The following PPP1R12B variants were observed in gnomAD, a reference collection of about 807,000 sequenced individuals.
PPP1R12B encodes protein phosphatase 1 regulatory subunit 12B.
In PPP1R12B, 76 loss-of-function variants were observed where a neutral mutation model predicts 126.1. That is an observed-to-expected ratio of 0.60 (90% CI 0.50 to 0.73). PPP1R12B has a LOEUF of 0.73. PPP1R12B is among the 30% of genes least tolerant of loss of function. The pLI is 0.00. For synonymous variants in PPP1R12B, 356 were observed against 434.7 expected, an observed-to-expected ratio of 0.82 and a Z score of 2.25; for missense variants, 1,052 against 1,205.1, an observed-to-expected ratio of 0.87 and a Z score of 1.88.
rs770604867 is a variant in PPP1R12B at position 202,508,378 on chromosome 1, A to G, written c.2490+11556A>G. 6.6e-6 allele frequency among the ~76,000 whole-genome samples: 1 copy of G among 152,238 alleles called. No homozygotes were observed. The highest frequency in any genetic ancestry group is 1.5e-5 in the Non-Finnish European group (1 of 68,040). ...ATGTTTTATTACAACCTGAACTCTT[A>G]CACCTTAAACTATGTCAGTATTATT... On this transcript the variant is annotated intron_variant, in intron 18 of 23. Coordinates refer to ENST00000608999, the MANE Select transcript of PPP1R12B (RefSeq NM_002481.4). The surrounding 1 kb of genome is among the most constrained non-coding windows in gnomAD (Gnocchi z 4.5).
At chr1:202,470,159 G>A (rs10458402) in intron 13 of PPP1R12B, among the ~76,000 whole-genome samples, 66,008 of 151,942 alleles carry the variant, frequency 0.43, 15,694 homozygotes, top group East Asian at 0.71. Context: ...ATGCTAACAC[G>A]GTTCTTTTCC....
intron 13 of PPP1R12B, among the ~76,000 whole-genome samples, chr1:202,471,181 A>G (rs1297084648): frequency 1.3e-5 from 2 of 152,164 alleles, no homozygotes; most frequent in Non-Finnish European, 2.9e-5. Context: ...ATGTTTTAAT[A>G]CTTTATATAA....
At chr1:202,471,403 T>C (rs1221341682) in intron 13 of PPP1R12B, among the ~76,000 whole-genome samples, 1 of 152,034 alleles carries the variant, frequency 6.6e-6, no homozygotes, top group Admixed American at 6.6e-5. Flanking sequence ...CTTGTTCATG[T>C]TTCTTACACA....
intron 18 of PPP1R12B, among the ~76,000 whole-genome samples, chr1:202,509,905 G>A (rs1681239143): frequency 2.6e-5 from 4 of 152,148 alleles, no homozygotes; most frequent in Admixed American, 2.0e-4. Flanking sequence ...AAGGAAAAAA[G>A]TGATGAAAAC....
At chr1:202,542,751 T>A (rs931224030) in intron 18 of PPP1R12B, among the ~76,000 whole-genome samples, 3 of 152,220 alleles carry the variant, frequency 2.0e-5, no homozygotes, top group African/African-American at 7.2e-5. Context: ...CTTCAGGGTC[T>A]TTGTATTTCT....
chr1:202,440,229 C>T (rs1043531675), intron 10 of PPP1R12B, among the ~76,000 whole-genome samples: 1 of 152,116 alleles, frequency 6.6e-6, no homozygotes, highest in Non-Finnish European at 1.5e-5. Context: ...CTTTATATCT[C>T]TGGAGACTAC....
At chr1:202,365,497 C>CT (rs1228310784) in intron 1 of PPP1R12B, among the ~76,000 whole-genome samples, 2 of 152,010 alleles carry the variant, frequency 1.3e-5, no homozygotes, top group African/African-American at 2.4e-5. Flanking sequence ...ATGCATTTTG[C>CT]TTTTTAAAAA....
intron 13 of PPP1R12B, among the ~76,000 whole-genome samples, chr1:202,486,921 A>T (rs1678212533): frequency 6.6e-6 from 1 of 152,242 alleles, no homozygotes. Flanking sequence ...TCTTACAGAA[A>T]TAGACATGTA....
chr1:202,546,916 T>C (rs1685704879), intron 18 of PPP1R12B, among the ~76,000 whole-genome samples: 1 of 152,226 alleles, frequency 6.6e-6, no homozygotes, highest in African/African-American at 2.4e-5. Flanking sequence ...CTTTTTCTAA[T>C]GGCGCTTTCC....
At chr1:202,510,752 A>C (rs1681374488) in intron 18 of PPP1R12B, among the ~76,000 whole-genome samples, 1 of 151,860 alleles carries the variant, frequency 6.6e-6, no homozygotes, top group South Asian at 2.1e-4. Flanking sequence ...GAGATGCAAA[A>C]ATGTACAAGG....
chr1:202,466,760 T>C (rs1239334784), intron 13 of PPP1R12B, among the ~76,000 whole-genome samples: 4 of 152,228 alleles, frequency 2.6e-5, no homozygotes, highest in Non-Finnish European at 5.9e-5. Context: ...CATGTATTTC[T>C]GTAAGAATTC....
At chr1:202,468,851 G>A (rs987060918) in intron 13 of PPP1R12B, among the ~76,000 whole-genome samples, 1 of 152,028 alleles carries the variant, frequency 6.6e-6, no homozygotes, top group African/African-American at 2.4e-5. Flanking sequence ...CTACTTGAGA[G>A]GCTGAGTCAT....
intron 18 of PPP1R12B, among the ~76,000 whole-genome samples, chr1:202,516,163 CAATA>C (rs1271361135): frequency 6.6e-6 from 1 of 152,056 alleles, no homozygotes; most frequent in Non-Finnish European, 1.5e-5. Flanking sequence ...AGTAAATTAT[CAATA>C]AATCTTAGCC....
chr1:202,397,295 A>T (rs1023740440), intron 1 of PPP1R12B, among the ~76,000 whole-genome samples: 15 of 151,860 alleles, frequency 9.9e-5, no homozygotes, highest in African/African-American at 2.9e-4. Context: ...AGCATCAACC[A>T]CTCTTTCTTG....
chr1:202,373,135 C>T (rs1188838574), intron 1 of PPP1R12B, among the ~76,000 whole-genome samples: 1 of 152,036 alleles, frequency 6.6e-6, no homozygotes, highest in East Asian at 1.9e-4. Context: ...GGGGTTTCAC[C>T]ATGTTGGCCA....
chr1:202,509,947 T>C (rs1681244880), intron 18 of PPP1R12B, among the ~76,000 whole-genome samples: 1 of 152,166 alleles, frequency 6.6e-6, no homozygotes, highest in South Asian at 2.1e-4. Context: ...AAGACTCATA[T>C]AAGGTGTGGG....
At chr1:202,539,173 A>G (rs1408069068) in intron 18 of PPP1R12B, among the ~76,000 whole-genome samples, 4 of 152,142 alleles carry the variant, frequency 2.6e-5, no homozygotes, top group African/African-American at 4.8e-5. Context: ...CCCCCTTCTC[A>G]TAGTATTCGG....
chr1:202,465,905 G>A (rs1674914531), intron 13 of PPP1R12B, among the ~76,000 whole-genome samples: 2 of 152,134 alleles, frequency 1.3e-5, no homozygotes, highest in Non-Finnish European at 2.9e-5. Context: ...AATAGCTCAA[G>A]AATCCTTTGA....
intron 1 of PPP1R12B, among the ~76,000 whole-genome samples, chr1:202,382,769 G>A (rs1226630981): frequency 1.3e-5 from 2 of 151,676 alleles, no homozygotes; most frequent in African/African-American, 4.8e-5. Flanking sequence ...CTAGCTGCTC[G>A]GGAGGCTGAG....
Sources: gnomAD v4.1 joint callset for allele counts (sites outside exome capture counted in the v4.1 genomes callset) on GRCh38, gnomAD v4.1.1 for gene constraint, Gnocchi (gnomAD v3.1) non-coding constraint, MANE v1.5 for transcripts, NCBI Gene and HGNC (gene_info 2026-07-23, HGNC 2026-07-21) for gene names.